DHX57: variants seen among roughly 807,000 people sequenced by gnomAD.
DHX57 encodes the protein DExH-box helicase 57, also known as putative ATP-dependent RNA helicase DHX57.
DHX57 carries 105 observed loss-of-function variants against 156.2 expected under a neutral mutation model. That is an observed-to-expected ratio of 0.67 (90% CI 0.57 to 0.79). The LOEUF (loss-of-function observed/expected upper bound fraction) is 0.79, where lower values mean the gene tolerates loss of function less well. DHX57 is among the 30% of genes least tolerant of loss of function. DHX57 has a pLI of 0.00. For missense variants in DHX57, 1,847 were observed against 1,661.9 expected (o/e 1.11, Z -1.94); for synonymous variants, 704 against 595.6 (o/e 1.18, Z -2.65).
intron 1 of DHX57, among the ~76,000 whole-genome samples, chr2:38,869,935 A>G (rs1572717297): frequency 6.6e-6 from 1 of 152,252 alleles, no homozygotes; most frequent in African/African-American, 2.4e-5. Context: ...AAAGGAATGC[A>G]CAATTAAAGC....
At position 38,856,352 on chromosome 2, in the gene DHX57, C is replaced by T. The variant is rs970450508; in HGVS notation, c.1697G>A (p.Ser566Asn). ...LLRKHQVVVISGMTGCGKTTQ... is the reference protein window; with the variant it reads ...LLRKHQVVVINGMTGCGKTTQ... ...ACTGCATTCTTACCCAGTCATACCA[C>T]TTATGACAACCACCTGGTGCTTACG... The change falls in exon 7 of 24, where the codon AGT (serine) becomes AAT (asparagine). Residue 566 changes from serine (S) to asparagine (N), a missense_variant. By Grantham distance (46) the Ser-to-Asn change is conservative. Transcript: ENST00000457308. The T allele has an allele frequency of 1.2e-6, 2 of 1,610,988 alleles. No individual in the cohort carries two copies. The highest frequency in any genetic ancestry group is 1.7e-6 in the Non-Finnish European group (2 of 1,179,232).
At chr2:38,824,338 G>A (rs1179877639) in intron 16 of DHX57, among the ~76,000 whole-genome samples, 1 of 152,210 alleles carries the variant, frequency 6.6e-6, no homozygotes, top group East Asian at 1.9e-4. Context: ...TGGAATGGTT[G>A]CCAGGGGCTG....
In DHX57 at chr2:38,818,935, C is replaced by T. The variant is rs369967213; in HGVS notation, c.3413G>A (p.Gly1138Asp). The T allele has an allele frequency of 5.0e-6, 8 of 1,614,074 alleles. No homozygotes were observed. In the African/African-American group the frequency reaches 6.7e-5, roughly 13 times the overall value. ...GCAGTAATTATAACTTGCACGCACGCCTTCTTTTGTACTTAGCTGCCATCC... is the reference window on the plus strand; with the variant it reads ...GCAGTAATTATAACTTGCACGCACGTCTTCTTTTGTACTTAGCTGCCATCC... ...YKGWQLSTKE[G>D]VRASYNYCRQ... Residue 1138 changes from glycine to aspartate, a missense_variant, in exon 19 of 24, where the codon GGC (glycine) becomes GAC (aspartate). By Grantham distance (94) the Gly-to-Asp change is moderately conservative. Transcript: ENST00000457308.
intron 21 of DHX57, among the ~76,000 whole-genome samples, chr2:38,807,871 C>G (rs1209336106): frequency 6.6e-6 from 1 of 150,930 alleles, no homozygotes; most frequent in Non-Finnish European, 1.5e-5. Context: ...GTCTCGAACT[C>G]CTGACCTCAG....
At chr2:38,853,811 T>TAGATCTCGGTGGTC in intron 9 of DHX57, 1 of 288,782 alleles carries the variant, frequency 3.5e-6, no homozygotes, top group Non-Finnish European at 6.6e-6. Context: ...CAGGATGGTG[T>TAGATCTCGGTGGTC]GAAGTATACC....
intron 3 of DHX57, chr2:38,863,060 T>C: frequency 4.1e-6 from 1 of 245,244 alleles, no homozygotes; most frequent in Non-Finnish European, 7.8e-6. Flanking sequence ...CAACACTACT[T>C]CTACTTGTTC....
chr2:38,855,275 C>A, intron 7 of DHX57, 23 bp from the exon 8 acceptor site: 3 of 1,612,986 alleles, frequency 1.9e-6, no homozygotes, highest in Middle Eastern at 1.7e-4. Flanking sequence ...ACAAATAAGT[C>A]CTAAAATGAA....
intron 12 of DHX57, among the ~76,000 whole-genome samples, 157 bp downstream of exon 12, chr2:38,842,848 T>A (rs1176089551): frequency 6.6e-6 from 1 of 152,232 alleles, no homozygotes; most frequent in Non-Finnish European, 1.5e-5. Context: ...TCTAAATATG[T>A]ATCTGAACTA....
At chr2:38,804,626 A>G (rs1370374414) in intron 22 of DHX57, among the ~76,000 whole-genome samples, 1 of 140,968 alleles carries the variant, frequency 7.1e-6, no homozygotes, top group Non-Finnish European at 1.5e-5. Flanking sequence ...GCCCTACCCC[A>G]CCCCTGCCTA....
chr2:38,801,858 A>T (rs929176137), intron 23 of DHX57, among the ~76,000 whole-genome samples: 4 of 152,090 alleles, frequency 2.6e-5, no homozygotes, highest in Non-Finnish European at 5.9e-5. Context: ...TGGCCTCCCA[A>T]AGTGCTGGGA....
intron 22 of DHX57, 159 bp downstream of exon 22, chr2:38,806,400 A>T: frequency 7.8e-6 from 6 of 766,274 alleles, no homozygotes; most frequent in Non-Finnish European, 1.2e-5. Flanking sequence ...TTCCAGAAAT[A>T]GTCCAATTTC....
In DHX57 at chr2:38,843,158, T is replaced by C. The variant is rs1672100030; in HGVS notation, c.2272A>G (p.Lys758Glu). The C allele has an allele frequency of 6.2e-7, 1 of 1,614,084 alleles. No individual in the cohort carries two copies. Among genetic ancestry groups the C allele is most frequent in the Non-Finnish European group, 8.5e-7 (1 of 1,180,042 alleles). ...PYMRSMKQIS[K>E]EKLKARRNRT... ...TTCCGCCTTGCTTTAAGCTTTTCCTTTGAAATCTGTTTCATGGACCGCATA... is the reference window on the plus strand; with the variant it reads ...TTCCGCCTTGCTTTAAGCTTTTCCTCTGAAATCTGTTTCATGGACCGCATA... The change falls in exon 12 of 24, where the codon AAG becomes GAG. Residue 758 changes from lysine to glutamate, a missense_variant. By Grantham distance (56) the Lys-to-Glu change is moderately conservative. Transcript: ENST00000457308.
chr2:38,846,662 A>C (rs1672302806), intron 11 of DHX57, among the ~76,000 whole-genome samples: 1 of 151,948 alleles, frequency 6.6e-6, no homozygotes, highest in African/African-American at 2.4e-5. Context: ...AGAGGGACTT[A>C]AATATTGGCA....
At chr2:38,812,189 G>C (rs1335080084) in intron 21 of DHX57, among the ~76,000 whole-genome samples, 2 of 152,052 alleles carry the variant, frequency 1.3e-5, no homozygotes, top group African/African-American at 2.4e-5. Context: ...CATTACTAGA[G>C]TATAATATAA....
At chr2:38,842,013 A>T (rs1672033531) in intron 12 of DHX57, among the ~76,000 whole-genome samples, 1 of 152,244 alleles carries the variant, frequency 6.6e-6, no homozygotes, top group Non-Finnish European at 1.5e-5. Flanking sequence ...TAACTACAAA[A>T]GAAATAGCAA....
chr2:38,817,905 C>T (rs747786571), intron 19 of DHX57, among the ~76,000 whole-genome samples: 6 of 151,310 alleles, frequency 4.0e-5, no homozygotes, highest in Admixed American at 6.6e-5. Flanking sequence ...GCCATGTTTC[C>T]GAGGATGGTC....
chr2:38,849,903 C>A (rs1672493615), intron 9 of DHX57, among the ~76,000 whole-genome samples: 1 of 152,168 alleles, frequency 6.6e-6, no homozygotes, highest in Admixed American at 6.5e-5. Context: ...GCCCTCCTCC[C>A]TTGAATTTCT....
chr2:38,854,243 A>G (rs758083382), intron 8 of DHX57, 65 bp from the exon 9 acceptor site: 103 of 1,548,154 alleles, frequency 6.7e-5, no homozygotes, highest in Non-Finnish European at 8.8e-5. Context: ...CATTACTGGA[A>G]AGCCATTTTG....
In DHX57 at chr2:38,868,286, G is replaced by T. The variant is rs772879942; in HGVS notation, c.120C>A (p.Gly40=). ...ASKSHGSGGG[G]GGGGGGGGGN... ...CGCCACCTCCACCACCACCACCACC[G>T]CCACCGCCACCACTCCCATGAGATT... Residue 40 remains glycine (G), a synonymous_variant, in exon 2 of 24, where the codon GGC becomes GGA. Coordinates refer to ENST00000457308, the MANE Select transcript of DHX57 (RefSeq NM_198963.3). The T allele has an allele frequency of 2.2e-5, 25 of 1,119,964 alleles. No homozygotes were observed. The Admixed American group carries it at 4.8e-4, about 21-fold the overall frequency. 69.4% of individuals were successfully genotyped at this position (1,119,964 alleles called of 1,614,324 possible).
Sources: gnomAD v4.1 joint callset for allele counts (sites outside exome capture counted in the v4.1 genomes callset) on GRCh38, gnomAD v4.1.1 for gene constraint, MANE v1.5 for transcripts, NCBI Gene and HGNC (gene_info 2026-07-23, HGNC 2026-07-21) for gene names.